The following DMC1 variants were observed in gnomAD, a reference collection of about 807,000 sequenced individuals.
The protein encoded by DMC1 is DNA meiotic recombinase 1, also known as meiotic recombination protein DMC1 homolog.
Under a neutral mutation model 50.1 loss-of-function variants are expected in DMC1, and 27 were observed. That is an observed-to-expected ratio of 0.54 (90% CI 0.40 to 0.74). The LOEUF (loss-of-function observed/expected upper bound fraction) is 0.74. DMC1 is among the 30% of genes least tolerant of loss of function. DMC1 has a pLI of 0.00. For missense variants in DMC1, 295 were observed against 420.2 expected, an observed-to-expected ratio of 0.70 and a Z score of 2.60; for synonymous variants, 148 against 136.1, an observed-to-expected ratio of 1.09 and a Z score of -0.61.
the DMC1 span, among the ~76,000 whole-genome samples, chr22:38,509,566 T>A: frequency 1.3e-5 from 2 of 152,166 alleles, no homozygotes; most frequent in African/African-American, 2.4e-5. Flanking sequence ...TCAATGTACA[T>A]TGTCGGGGTG....
chr22:38,545,064 T>C (rs987733885), intron 8 of DMC1, among the ~76,000 whole-genome samples: 9 of 152,110 alleles, frequency 5.9e-5, no homozygotes, highest in African/African-American at 1.7e-4. Flanking sequence ...AAATCAAAAC[T>C]ACAATGAAAT....
At chr22:38,562,238 G>T in intron 5 of DMC1, 49 bp downstream of exon 5, 2 of 1,167,996 alleles carry the variant, frequency 1.7e-6, no homozygotes, top group Non-Finnish European at 1.3e-6. Context: ...AAAGAAACAT[G>T]GTATTCCAAA....
chr22:38,568,461 G>T, intron 1 of DMC1, 172 bp from the exon 2 acceptor site: 1 of 608,024 alleles, frequency 1.6e-6, no homozygotes, highest in Non-Finnish European at 2.9e-6. Context: ...TTGTGTGTGT[G>T]TGTGTGTGTG....
intron 4 of DMC1, among the ~76,000 whole-genome samples, chr22:38,562,866 C>G (rs1332358357): frequency 6.6e-6 from 1 of 151,898 alleles, no homozygotes; most frequent in Non-Finnish European, 1.5e-5. Context: ...TTCCTGGATT[C>G]AAGTGATTCT....
chr22:38,527,135 T>C (rs1424941305), intron 12 of DMC1, among the ~76,000 whole-genome samples: 1 of 152,162 alleles, frequency 6.6e-6, no homozygotes, highest in Non-Finnish European at 1.5e-5. Flanking sequence ...AGACCTGAGT[T>C]CAAATTCTGT....
intron 1 of DMC1, among the ~76,000 whole-genome samples, chr22:38,569,717 TGGG>T (rs2146053878): frequency 6.6e-6 from 1 of 152,276 alleles, no homozygotes; most frequent in Admixed American, 6.5e-5. Context: ...TCCCCTCTGG[TGGG>T]GGCAGCAGCG....
intron 12 of DMC1, among the ~76,000 whole-genome samples, chr22:38,533,310 G>A (rs995574533): frequency 6.6e-6 from 1 of 150,862 alleles, no homozygotes; most frequent in African/African-American, 2.4e-5. Context: ...GTGACAGAAT[G>A]GCATCAACCT....
chr22:38,528,446 C>T (rs1004492415), intron 12 of DMC1, among the ~76,000 whole-genome samples: 7 of 151,974 alleles, frequency 4.6e-5, no homozygotes, highest in Admixed American at 2.0e-4. Flanking sequence ...TCTATCCTTA[C>T]GGCAATCTTG....
intron 12 of DMC1, among the ~76,000 whole-genome samples, chr22:38,533,986 A>G (rs1354730387): frequency 6.6e-6 from 1 of 152,184 alleles, no homozygotes; most frequent in Non-Finnish European, 1.5e-5. Context: ...TGAAGAAAAA[A>G]TTCAACTTCA....
intron 5 of DMC1, among the ~76,000 whole-genome samples, chr22:38,559,823 G>T (rs1337720246): frequency 6.6e-6 from 1 of 151,916 alleles, no homozygotes; most frequent in Admixed American, 6.6e-5. Flanking sequence ...TTCAAGACCA[G>T]CCTGGCCAAG....
the DMC1 span, among the ~76,000 whole-genome samples, chr22:38,509,236 G>C: frequency 6.6e-6 from 1 of 151,936 alleles, no homozygotes; most frequent in South Asian, 2.1e-4. Flanking sequence ...CGTGTGTCAT[G>C]GTGGTTTGTT....
intron 12 of DMC1, among the ~76,000 whole-genome samples, chr22:38,527,036 C>A (rs2090099740): frequency 6.6e-6 from 1 of 152,064 alleles, no homozygotes; most frequent in East Asian, 1.9e-4. Context: ...TGGATACATC[C>A]CTGCAAAACC....
rs755856988 is a variant in DMC1 at position 38,539,364 on chromosome 22, A to G, written c.543T>C (p.His181=). ...AAAGTACGTTGTCCAGTACTGCATC[A>G]TGGTCTACATTAAAGCGATCAGCAA... The part of the protein sequence containing the change: ...RDIADRFNVD[H]DAVLDNVLYA... Residue 181 remains histidine, a synonymous_variant, in exon 9 of 14, where the codon CAT becomes CAC. Coordinates refer to ENST00000216024, the MANE Select transcript of DMC1 (RefSeq NM_007068.4). 2.5e-5 allele frequency: 40 copies of G among 1,613,982 alleles called. No homozygotes were observed. The highest frequency in any genetic ancestry group is 3.1e-5 in the Non-Finnish European group (36 of 1,179,984).
intron 5 of DMC1, among the ~76,000 whole-genome samples, chr22:38,558,901 T>C (rs982271465): frequency 6.6e-6 from 1 of 152,232 alleles, no homozygotes; most frequent in Non-Finnish European, 1.5e-5. Flanking sequence ...AAGTGTTTTG[T>C]TGATCAACCT....
chr22:38,538,311 G>A lies in DMC1; in HGVS notation c.759C>T (p.Leu253=). Residue 253 remains leucine, a synonymous_variant, in exon 11 of 14, where the codon CTC becomes CTT. Transcript: ENST00000216024. ...QQKLAQMLSR[L]QKISEEYNVA... Reference sequence around the variant, plus strand: ...AAGATATACCTTCTGAGATTTTTTGGAGTCGTGACAACATCTGGGCCAATT... The same window carrying A: ...AAGATATACCTTCTGAGATTTTTTGAAGTCGTGACAACATCTGGGCCAATT... 1 of 1,613,740 alleles carries A rather than the reference G, an allele frequency of 6.2e-7. No homozygotes were observed. Among genetic ancestry groups the A allele is most frequent in the Admixed American group, 1.7e-5 (1 of 59,952 alleles).
chr22:38,551,441 ACCT>A, intron 7 of DMC1, among the ~76,000 whole-genome samples: 1 of 151,080 alleles, frequency 6.6e-6, no homozygotes, highest in Admixed American at 6.6e-5. Flanking sequence ...TGATTCTCTG[ACCT>A]CAGCCTCCCC....
intron 5 of DMC1, among the ~76,000 whole-genome samples, chr22:38,560,199 A>G (rs1187503160): frequency 6.6e-6 from 1 of 152,160 alleles, no homozygotes; most frequent in Non-Finnish European, 1.5e-5. Flanking sequence ...TCATTGAGAC[A>G]TGGACATTTT....
intron 5 of DMC1, among the ~76,000 whole-genome samples, chr22:38,555,820 AATTATT>A (rs1184153906): frequency 1.3e-5 from 2 of 151,722 alleles, no homozygotes; most frequent in South Asian, 2.1e-4. Context: ...AGATCGTCTT[AATTATT>A]ATTATTATTA....
chr22:38,556,340 C>T (rs2090468985), intron 5 of DMC1, among the ~76,000 whole-genome samples: 1 of 151,970 alleles, frequency 6.6e-6, no homozygotes, highest in Non-Finnish European at 1.5e-5. Flanking sequence ...GAGATCTGCC[C>T]ACCTTGGCCT....
Sources: gnomAD v4.1 joint callset for allele counts (sites outside exome capture counted in the v4.1 genomes callset) on GRCh38, gnomAD v4.1.1 for gene constraint, MANE v1.5 for transcripts, NCBI Gene and HGNC (gene_info 2026-07-23, HGNC 2026-07-21) for gene names.